FGFR2: variants seen among roughly 807,000 people sequenced by gnomAD.
FGFR2 encodes the protein fibroblast growth factor receptor 2.
A neutral mutation model predicts 95.9 loss-of-function variants in FGFR2; 19 were observed. The observed-to-expected ratio is 0.20, with a 90% CI of 0.14 to 0.29. The LOEUF (loss-of-function observed/expected upper bound fraction) is 0.29, where lower values mean the gene tolerates loss of function less well. FGFR2 is among the 10% of genes least tolerant of loss of function. The pLI, the probability that FGFR2 is intolerant of heterozygous loss-of-function variation, is 1.00. For synonymous variants in FGFR2, 392 were observed against 393.3 expected (o/e 1.00, Z 0.04); for missense variants, 707 against 1,056.9 (o/e 0.67, Z 4.59).
chr10:121,572,143 C>G (rs1323559913), intron 2 of FGFR2, among the ~76,000 whole-genome samples: 1 of 123,178 alleles, frequency 8.1e-6, no homozygotes, highest in Non-Finnish European at 1.7e-5. Context: ...GTAAGATCCT[C>G]TCTCCACAAA....
intron 5 of FGFR2, among the ~76,000 whole-genome samples, chr10:121,546,943 G>C (rs1367757493): frequency 1.3e-5 from 2 of 152,196 alleles, no homozygotes; most frequent in Non-Finnish European, 2.9e-5. Context: ...CTGGCAAATG[G>C]GACGGGTGCA....
chr10:121,490,105 A>G (rs1845928760), intron 13 of FGFR2, among the ~76,000 whole-genome samples: 1 of 150,682 alleles, frequency 6.6e-6, no homozygotes, highest in African/African-American at 2.4e-5. Flanking sequence ...TATTGTCTTG[A>G]CACTAACTCT....
At chr10:121,585,889 G>A (rs535381372) in intron 2 of FGFR2, among the ~76,000 whole-genome samples, 12 of 152,204 alleles carry the variant, frequency 7.9e-5, no homozygotes, top group Non-Finnish European at 1.6e-4. Flanking sequence ...GGCTTAGCAG[G>A]ACAAGAAGGC....
chr10:121,502,282 C>A (rs767952148), intron 10 of FGFR2, among the ~76,000 whole-genome samples: 1 of 152,216 alleles, frequency 6.6e-6, no homozygotes, highest in Admixed American at 6.5e-5. Flanking sequence ...ATCCATTTCT[C>A]CACATCCTAC....
chr10:121,517,116 C>T lies in FGFR2; in HGVS notation c.1084+203G>A. The T allele has an allele frequency of 1.6e-6, 1 of 643,684 alleles. No homozygotes were observed. Among genetic ancestry groups the T allele is most frequent in the Non-Finnish European group, 2.7e-6 (1 of 367,180 alleles). 39.9% of individuals were successfully genotyped at this position (643,684 alleles called of 1,614,324 possible). On this transcript the variant is annotated intron_variant, in intron 8 of 17. Coordinates refer to ENST00000358487, the MANE Select transcript of FGFR2 (RefSeq NM_000141.5). The surrounding 1 kb of genome is among the most constrained non-coding windows in gnomAD (Gnocchi z 4.7). The stretch of plus-strand genomic sequence containing the variant: ...TTCAGGTTTTAAGGGTGAAATTTCC[C>T]TTGATCATAAATGTGAGTGTGGGAT...
At position 121,483,803 on chromosome 10, in the gene FGFR2, C is replaced by T. The variant is rs1185093931; in HGVS notation, c.2196G>A (p.Leu732=). The T allele has an allele frequency of 1.2e-6, 2 of 1,611,382 alleles. No homozygotes were observed. Among genetic ancestry groups the T allele is most frequent in the African/African-American group, 1.3e-5 (1 of 74,842 alleles). Residue 732 remains leucine, a splice_region_variant and synonymous_variant, in exon 17 of 18, where the codon CTG becomes CTA. Coordinates refer to ENST00000358487, the MANE Select transcript of FGFR2 (RefSeq NM_000141.5). ...GCCAACAGTCCCTCATCATCATGTACCTGGGAAAAATGGATTTCCTTGAAT... is the reference window on the plus strand; with the variant it reads ...GCCAACAGTCCCTCATCATCATGTATCTGGGAAAAATGGATTTCCTTGAAT... ...MDKPANCTNE[L]YMMMRDCWHA... is the part of the protein sequence containing the mutation.
intron 2 of FGFR2, 26 bp from the exon 3 acceptor site, chr10:121,565,730 C>A (rs3135733): frequency 8.7e-6 from 14 of 1,613,968 alleles, no homozygotes; most frequent in Non-Finnish European, 1.2e-5. Flanking sequence ...AGAGAGAAGA[C>A]GGAGACAGAT....
At chr10:121,567,997 A>C (rs1448380008) in intron 2 of FGFR2, among the ~76,000 whole-genome samples, 1 of 152,260 alleles carries the variant, frequency 6.6e-6, no homozygotes, top group Admixed American at 6.5e-5. Context: ...TTGGGAACTT[A>C]GTTTGAAGGC....
At chr10:121,566,751 C>A (rs1406429119) in intron 2 of FGFR2, among the ~76,000 whole-genome samples, 1 of 152,028 alleles carries the variant, frequency 6.6e-6, no homozygotes, top group East Asian at 1.9e-4. Flanking sequence ...GACACCAAGA[C>A]CCTAGAGAAA....
At chr10:121,495,074 A>G (rs1394964409) in intron 13 of FGFR2, among the ~76,000 whole-genome samples, 2 of 152,088 alleles carry the variant, frequency 1.3e-5, no homozygotes, top group African/African-American at 4.8e-5. Context: ...TTTGGAAGCG[A>G]TATCTTGTCA....
intron 5 of FGFR2, among the ~76,000 whole-genome samples, chr10:121,545,496 G>C (rs1467866919): frequency 6.6e-6 from 1 of 152,160 alleles, no homozygotes; most frequent in Admixed American, 6.5e-5. Flanking sequence ...TGCTCCATGG[G>C]AGGCACCTGG....
chr10:121,513,015 A>G (rs1225009180), intron 9 of FGFR2, among the ~76,000 whole-genome samples: 1 of 151,974 alleles, frequency 6.6e-6, no homozygotes, highest in Non-Finnish European at 1.5e-5. Flanking sequence ...GACTACAGGC[A>G]TGCACCACCA....
intron 8 of FGFR2, among the ~76,000 whole-genome samples, chr10:121,516,131 T>TCTG (rs1849678373): frequency 6.6e-6 from 1 of 152,180 alleles, no homozygotes; most frequent in Non-Finnish European, 1.5e-5. Context: ...GACTTCTTCT[T>TCTG]AGTCCTCGAT....
intron 4 of FGFR2, 179 bp downstream of exon 4, chr10:121,564,323 C>T: frequency 1.6e-6 from 1 of 635,452 alleles, no homozygotes; most frequent in Non-Finnish European, 2.8e-6. Flanking sequence ...ATAGAGAAGG[C>T]TGTGCAGCAA....
At chr10:121,538,289 CA>C (rs943310323) in intron 6 of FGFR2, 1 of 765,330 alleles carries the variant, frequency 1.3e-6, no homozygotes, top group African/African-American at 1.7e-5. Context: ...TTCACCTGCC[CA>C]ATTAACATTT....
chr10:121,498,557 A>T lies in FGFR2; in HGVS notation c.1610T>A (p.Met537Lys), dbSNP rs758628019. Residue 537 changes from methionine to lysine, a missense_variant, in exon 12 of 18, where the codon ATG (methionine) becomes AAG (lysine). Transcript: ENST00000358487. ...CTTGTGTTTCCCAATCATCTTCATC[A>T]TCTCCATCTCTGACACCAGATCAGA... ...DLSDLVSEME[M>K]MKMIGKHKNI... 1 of 1,613,992 alleles carries T rather than the reference A, an allele frequency of 6.2e-7. No homozygotes were observed. The highest frequency in any genetic ancestry group is 1.1e-5 in the South Asian group (1 of 91,062).
chr10:121,519,053 G>T (rs964945104), intron 7 of FGFR2, among the ~76,000 whole-genome samples: 1 of 152,218 alleles, frequency 6.6e-6, no homozygotes, highest in Non-Finnish European at 1.5e-5. Context: ...AACTGGATAG[G>T]TCGGGTGGGT....
chr10:121,561,614 G>GA (rs137919680), intron 4 of FGFR2, among the ~76,000 whole-genome samples: 2,175 of 152,200 alleles, frequency 0.014, 60 homozygotes, highest in East Asian at 0.071. Context: ...TAACATAGGA[G>GA]AAAATCTAGA....
rs1026723733 is a variant in FGFR2, at chr10:121,548,838, C to T, written c.624+2452G>A. On this transcript the variant is annotated intron_variant, in intron 5 of 17. Transcript: ENST00000358487. ...ATCCCAGGGGCCGTGATTTTAGTGGCTTAACTCTTCCTTTCTAACCAGCAT... is the reference window on the plus strand; with the variant it reads ...ATCCCAGGGGCCGTGATTTTAGTGGTTTAACTCTTCCTTTCTAACCAGCAT... Among the ~76,000 whole-genome samples, 37 of 152,184 alleles carry T rather than the reference C, an allele frequency of 2.4e-4. 1 individual carries two copies. The highest frequency in any genetic ancestry group is 2.4e-3 in the Admixed American group (36 of 15,286).
Sources: allele counts gnomAD v4.1 joint callset (sites outside exome capture counted in the v4.1 genomes callset), GRCh38; gene constraint gnomAD v4.1.1; non-coding constraint Gnocchi (gnomAD v3.1); transcripts MANE v1.5; gene names NCBI Gene and HGNC (gene_info 2026-07-23, HGNC 2026-07-21).